GINS2: variants seen among roughly 807,000 people sequenced by gnomAD.
GINS2 encodes GINS complex subunit 2, also known as DNA replication complex GINS protein PSF2.
In GINS2, 23 loss-of-function variants were observed where a neutral mutation model predicts 21.2. That is an observed-to-expected ratio of 1.08 (90% CI 0.78 to 1.53). The LOEUF (loss-of-function observed/expected upper bound fraction) is 1.53, where lower values mean the gene tolerates loss of function less well. Among genes scored for constraint, GINS2 ranks in the 40% most tolerant of loss-of-function variants. The pLI is 0.00. For synonymous variants in GINS2, 118 were observed against 85.6 expected, an observed-to-expected ratio of 1.38 and a Z score of -2.09; for missense variants, 323 against 233.9, an observed-to-expected ratio of 1.38 and a Z score of -2.49.
At chr16:85,681,111 G>T (rs897344993) in intron 3 of GINS2, among the ~76,000 whole-genome samples, 1 of 152,226 alleles carries the variant, frequency 6.6e-6, no homozygotes, top group African/African-American at 2.4e-5. Context: ...CCCAAGGACA[G>T]AGGCAAATGT....
Position 85,683,299 on chromosome 16 carries a change from C to A in GINS2, c.206-1618G>T, listed in dbSNP as rs974741714. 1.3e-5 allele frequency among the ~76,000 whole-genome samples: 2 copies of A among 152,042 alleles called. 1 individual carries two copies. Among genetic ancestry groups the A allele is most frequent in the Non-Finnish European group, 2.9e-5 (2 of 67,994 alleles). Reference sequence around the variant, plus strand: ...GGGACAAAGAGCTCAGCTCCCAACCCCTTTCTTCACTACCTAAACTCATAT... The same window carrying A: ...GGGACAAAGAGCTCAGCTCCCAACCACTTTCTTCACTACCTAAACTCATAT... On this transcript the variant is annotated intron_variant, in intron 2 of 4. Coordinates refer to ENST00000253462, the MANE Select transcript of GINS2 (RefSeq NM_016095.3).
intron 2 of GINS2, among the ~76,000 whole-genome samples, chr16:85,685,067 G>A (rs1431108380): frequency 6.6e-6 from 1 of 152,070 alleles, no homozygotes; most frequent in Non-Finnish European, 1.5e-5. Context: ...GGGATTACAG[G>A]CATGAGCCAC....
At chr16:85,687,129 G>C (rs989149170) in intron 2 of GINS2, among the ~76,000 whole-genome samples, 3 of 152,346 alleles carry the variant, frequency 2.0e-5, no homozygotes, top group Middle Eastern at 3.4e-3. Flanking sequence ...GCTGAGGCAG[G>C]AGGATCACTT....
intron 3 of GINS2, among the ~76,000 whole-genome samples, chr16:85,679,574 A>T (rs2053714930): frequency 1.3e-5 from 2 of 152,262 alleles, no homozygotes; most frequent in African/African-American, 4.8e-5. Flanking sequence ...TCTCAACAGC[A>T]GGTTAAAGGA....
At chr16:85,680,961 G>A (rs1278082650) in intron 3 of GINS2, among the ~76,000 whole-genome samples, 1 of 152,232 alleles carries the variant, frequency 6.6e-6, no homozygotes, top group African/African-American at 2.4e-5. Flanking sequence ...GGAGTCACAT[G>A]GCAGTTCTGC....
chr16:85,678,735 C>G lies in GINS2; in HGVS notation c.306-69G>C, dbSNP rs2053707945. ...CCTGAGGCAATGCTGGATAGAGTGGCTCTTTTCAGGCAAAATACCGTGGCT... is the reference window on the plus strand; with the variant it reads ...CCTGAGGCAATGCTGGATAGAGTGGGTCTTTTCAGGCAAAATACCGTGGCT... On this transcript the variant is annotated intron_variant, in intron 3 of 4. Transcript: ENST00000253462. The G allele has an allele frequency of 2.5e-5, 37 of 1,490,240 alleles. No homozygotes were observed. The South Asian group carries it at 4.6e-4, about 18-fold the overall frequency. The allele number at this position is 1,490,240 out of a possible 1,614,324, so 92.3% of individuals were successfully genotyped here. A position where few individuals can be genotyped will look rare whatever the true frequency, so the allele number is the denominator to read the frequency against.
intron 2 of GINS2, among the ~76,000 whole-genome samples, chr16:85,682,019 G>A (rs1385461531): frequency 8.6e-6 from 1 of 116,698 alleles, no homozygotes; most frequent in South Asian, 2.7e-4. Flanking sequence ...TACCTTTACC[G>A]CCTTTTTTTT....
chr16:85,682,273 T>C (rs115055253), intron 2 of GINS2, among the ~76,000 whole-genome samples: 2,404 of 152,182 alleles, frequency 0.016, 56 homozygotes, highest in African/African-American at 0.055. Flanking sequence ...CCTCAGCTTC[T>C]CGAAGTGCTG....
chr16:85,685,281 T>C lies in GINS2; in HGVS notation c.205+2179A>G, dbSNP rs924237720. On this transcript the variant is annotated intron_variant, in intron 2 of 4. Transcript: ENST00000253462. ...AACAGGCCCTTGCCATGTTATCACC[T>C]GGGGTCTAGATGGGACAAAAGTGCC... 1.4e-4 allele frequency among the ~76,000 whole-genome samples: 21 copies of C among 152,152 alleles called. No individual in the cohort carries two copies. In the East Asian group the frequency reaches 1.7e-3, roughly 13 times the overall value.
At chr16:85,687,754 C>A in intron 1 of GINS2, 180 bp from the exon 2 acceptor site, 1 of 490,960 alleles carries the variant, frequency 2.0e-6, no homozygotes, top group South Asian at 3.1e-5. Flanking sequence ...TCCGAGACAC[C>A]TGCGAGCGTG....
intron 1 of GINS2, among the ~76,000 whole-genome samples, chr16:85,688,194 G>A (rs1050248556): frequency 2.0e-4 from 31 of 152,178 alleles, no homozygotes; most frequent in Non-Finnish European, 8.8e-5. Flanking sequence ...CAGCCCTTTG[G>A]GAGGCCGACG....
intron 2 of GINS2, among the ~76,000 whole-genome samples, chr16:85,685,678 A>AAAAACAAAAAAAAAAAAAAAAC (rs2053769189): frequency 1.4e-5 from 2 of 143,896 alleles, no homozygotes; most frequent in African/African-American, 5.5e-5. Flanking sequence ...CTCAAAAAAA[A>AAAAACAAAAAAAAAAAAAAAAC]AAAAAAAAAA....
Position 85,687,560 on chromosome 16 carries a change from A to G in GINS2, c.105T>C (p.Pro35=). 1 of 1,565,764 alleles carries G rather than the reference A, an allele frequency of 6.4e-7. No homozygotes were observed. ...KIYLIGGDLG[P]FNPGLPVEVP... ...CTTCCACGGGTAAACCAGGGTTAAA[A>G]GGCCCCAGGTCCCCCTGCCAAAAGT... The change falls in exon 2 of 5, where the codon CCT becomes CCC. Residue 35 remains proline (P), a synonymous_variant. Transcript: ENST00000253462.
Position 85,678,636 on chromosome 16 carries a change from T to A in GINS2, c.336A>T (p.Glu112Asp). ...HASDNIPKAD[E>D]IRTLVKDMWD... ...ACATATCCTTGACCAGGGTCCGGAT[T>A]TCGTCTGCCTTCGGGATGTTGTCTG... Residue 112 changes from glutamate to aspartate, a missense_variant, in exon 4 of 5, where the codon GAA becomes GAT. By Grantham distance (45) the Glu-to-Asp change is conservative. Transcript: ENST00000253462. The A allele has an allele frequency of 6.2e-7, 1 of 1,613,806 alleles. No individual in the cohort carries two copies. The highest frequency in any genetic ancestry group is 8.5e-7 in the Non-Finnish European group (1 of 1,179,974).
Position 85,677,330 on chromosome 16 carries a change from A to T in GINS2, c.*882T>A, listed in dbSNP as rs2053686152. 1 of 152,346 alleles carries T rather than the reference A, an allele frequency of 6.6e-6. No homozygotes were observed. The highest frequency in any genetic ancestry group is 2.1e-4 in the South Asian group (1 of 4,830). 9.4% of individuals were successfully genotyped at this position (152,346 alleles called of 1,614,324 possible). A position where few individuals can be genotyped will look rare whatever the true frequency, so the allele number is the denominator to read the frequency against. ...AAAGTAATTTTCTCTTAGGAAAAAAATAATTTCCCCTGAGCCCACTGTTAC... is the reference window on the plus strand; with the variant it reads ...AAAGTAATTTTCTCTTAGGAAAAAATTAATTTCCCCTGAGCCCACTGTTAC... On this transcript the variant is annotated 3_prime_UTR_variant, in exon 5 of 5. Coordinates refer to ENST00000253462, the MANE Select transcript of GINS2 (RefSeq NM_016095.3).
intron 1 of GINS2, among the ~76,000 whole-genome samples, chr16:85,688,321 G>A (rs2053796066): frequency 6.6e-6 from 1 of 152,172 alleles, no homozygotes; most frequent in African/African-American, 2.4e-5. Flanking sequence ...GCCGAGGCGA[G>A]TGGCTCATGA....
intron 3 of GINS2, among the ~76,000 whole-genome samples, chr16:85,680,783 G>A (rs1208836292): frequency 6.6e-6 from 1 of 152,224 alleles, no homozygotes; most frequent in Admixed American, 6.5e-5. Flanking sequence ...TATATGCAAA[G>A]TCAGAATGCT....
intron 2 of GINS2, 132 bp from the exon 3 acceptor site, chr16:85,681,813 G>C (rs576526519): frequency 3.3e-6 from 2 of 612,452 alleles, no homozygotes; most frequent in African/African-American, 1.9e-5. Flanking sequence ...AAAACATTTT[G>C]GGATGACATT....
chr16:85,687,429 A>G (rs754084799), intron 2 of GINS2, 31 bp downstream of exon 2: 5 of 1,314,998 alleles, frequency 3.8e-6, no homozygotes, highest in Non-Finnish European at 5.2e-6. Flanking sequence ...AGCCCCACCC[A>G]CGCATCAACC....
Sources: gnomAD v4.1 joint callset for allele counts (sites outside exome capture counted in the v4.1 genomes callset) on GRCh38, gnomAD v4.1.1 for gene constraint, MANE v1.5 for transcripts, NCBI Gene and HGNC (gene_info 2026-07-23, HGNC 2026-07-21) for gene names.